CELF4: variants seen among roughly 807,000 people sequenced by gnomAD.
CELF4 encodes CUGBP Elav-like family member 4.
In CELF4, 18 loss-of-function variants were observed where a neutral mutation model predicts 59.9. The ratio of observed to expected loss-of-function variants is 0.30; its 90% CI spans 0.21 to 0.45. CELF4 has a LOEUF of 0.45. Ranked by LOEUF, CELF4 falls within the 20% of genes least tolerant of loss-of-function variation. The pLI is 1.00. For synonymous variants in CELF4, 261 were observed against 267.1 expected, an observed-to-expected ratio of 0.98 and a Z score of 0.22; for missense variants, 456 against 689.0, an observed-to-expected ratio of 0.66 and a Z score of 3.79.
At chr18:37,431,193 A>G (rs2099652698) in intron 2 of CELF4, among the ~76,000 whole-genome samples, 1 of 152,128 alleles carries the variant, frequency 6.6e-6, no homozygotes, top group South Asian at 2.1e-4. Flanking sequence ...GGCGTACAGT[A>G]GGTGCCTAAT....
At chr18:37,545,766 A>T (rs1240003167) in intron 1 of CELF4, among the ~76,000 whole-genome samples, 1 of 151,928 alleles carries the variant, frequency 6.6e-6, no homozygotes, top group East Asian at 1.9e-4. Flanking sequence ...ACACACACAC[A>T]CACACACACG....
At chr18:37,297,788 TA>T (rs1158329636) in intron 3 of CELF4, among the ~76,000 whole-genome samples, 3 of 152,228 alleles carry the variant, frequency 2.0e-5, no homozygotes, top group African/African-American at 7.2e-5. Context: ...CTTCGTACAT[TA>T]ATCTAGTTGT....
chr18:37,447,582 C>A (rs897685601), intron 2 of CELF4, among the ~76,000 whole-genome samples: 11 of 152,200 alleles, frequency 7.2e-5, no homozygotes, highest in Non-Finnish European at 1.3e-4. Flanking sequence ...CAGGAGCTCC[C>A]CAGGGGCCCT....
At position 37,415,128 on chromosome 18, in the gene CELF4, A is replaced by G. The variant is rs544718184; in HGVS notation, c.369+70397T>C. Reference sequence around the variant, plus strand: ...AATATGTCTGTCAGGCAGGATCAGGAAAGGTTTCATGAAGCAAGTGGTGGC... The same window carrying G: ...AATATGTCTGTCAGGCAGGATCAGGGAAGGTTTCATGAAGCAAGTGGTGGC... On this transcript the variant is annotated intron_variant, in intron 2 of 12. Transcript: ENST00000420428. Among the ~76,000 whole-genome samples, 6 of 152,264 alleles carry G rather than the reference A, an allele frequency of 3.9e-5. No homozygotes were observed. The South Asian group carries it at 1.2e-3, about 32-fold the overall frequency.
intron 1 of CELF4, among the ~76,000 whole-genome samples, chr18:37,491,237 G>C (rs1010404634): frequency 6.7e-6 from 1 of 149,542 alleles, no homozygotes; most frequent in African/African-American, 2.5e-5. Flanking sequence ...CCTCACCCGA[G>C]AGGACGCCGT....
intron 2 of CELF4, among the ~76,000 whole-genome samples, chr18:37,340,036 C>G (rs1318225408): frequency 6.6e-6 from 1 of 152,204 alleles, no homozygotes; most frequent in Admixed American, 6.5e-5. Flanking sequence ...GCCCTTTCCT[C>G]CTTAACAGCC....
intron 2 of CELF4, among the ~76,000 whole-genome samples, chr18:37,414,191 C>CATCTATCT (rs59869024): frequency 0.012 from 1,845 of 148,176 alleles, 25 homozygotes; most frequent in Middle Eastern, 0.021. Context: ...TCCATTCATT[C>CATCTATCT]ATCTATCTAT....
At chr18:37,380,593 T>C (rs1036377692) in intron 2 of CELF4, among the ~76,000 whole-genome samples, 2 of 152,010 alleles carry the variant, frequency 1.3e-5, no homozygotes, top group African/African-American at 2.4e-5. Context: ...TATCCATCCA[T>C]CCATTCATCC....
intron 2 of CELF4, among the ~76,000 whole-genome samples, chr18:37,370,715 C>G (rs1377126447): frequency 1.3e-5 from 2 of 152,170 alleles, no homozygotes; most frequent in Non-Finnish European, 2.9e-5. Flanking sequence ...TTAGGACCAC[C>G]CTGGAGTGAC....
Position 37,503,390 on chromosome 18 carries a change from C to T in CELF4, c.287-17783G>A, listed in dbSNP as rs542569774. On this transcript the variant is annotated intron_variant, in intron 1 of 12. Coordinates refer to ENST00000420428, the MANE Select transcript of CELF4 (RefSeq NM_020180.4). ...GACTCCTGGCCCGTGGCTGGCACTC[C>T]AGCCAACAAAGCCCAAGTGGTGCCC... is the stretch of plus-strand genomic sequence containing the variant. Among the ~76,000 whole-genome samples, 8 of 152,346 alleles carry T rather than the reference C, an allele frequency of 5.3e-5. No homozygotes were observed. The South Asian group carries it at 1.7e-3, about 32-fold the overall frequency.
rs1210477656 is a variant in CELF4 at position 37,429,035 on chromosome 18, G to A, written c.369+56490C>T. Reference sequence around the variant, plus strand: ...CCTGAGCAATTGCATCGTAGAGGAGGCATGGATGCCCCTTGTCTCTGCTGC... The same window carrying A: ...CCTGAGCAATTGCATCGTAGAGGAGACATGGATGCCCCTTGTCTCTGCTGC... On this transcript the variant is annotated intron_variant, in intron 2 of 12. Coordinates refer to ENST00000420428, the MANE Select transcript of CELF4 (RefSeq NM_020180.4). Among the ~76,000 whole-genome samples, 6 of 152,276 alleles carry A rather than the reference G, an allele frequency of 3.9e-5. No individual in the cohort carries two copies. In the East Asian group the frequency reaches 9.6e-4, roughly 24 times the overall value.
In CELF4 at chr18:37,565,778, C is replaced by A. The variant is rs1288000401; in HGVS notation, c.-137G>T. ...CCTCGGTTTCTCTACACCTCGCTCTCCGCTCGCTCTCTGCTCTCTCTCTTT... is the reference window on the plus strand; with the variant it reads ...CCTCGGTTTCTCTACACCTCGCTCTACGCTCGCTCTCTGCTCTCTCTCTTT... On this transcript the variant is annotated 5_prime_UTR_variant, in exon 1 of 13. Coordinates refer to ENST00000420428, the MANE Select transcript of CELF4 (RefSeq NM_020180.4). The A allele has an allele frequency of 3.4e-6, 2 of 594,796 alleles. No homozygotes were observed. The highest frequency in any genetic ancestry group is 5.5e-6 in the Non-Finnish European group (2 of 366,278). The allele number at this position is 594,796 out of a possible 1,614,324, so 36.8% of individuals were successfully genotyped here.
At chr18:37,362,753 C>A (rs894676334) in intron 2 of CELF4, among the ~76,000 whole-genome samples, 1 of 152,166 alleles carries the variant, frequency 6.6e-6, no homozygotes, top group Non-Finnish European at 1.5e-5. Flanking sequence ...CCTCTCTTGC[C>A]AGTCACCTGC....
chr18:37,263,716 C>T (rs1474455275), intron 10 of CELF4, among the ~76,000 whole-genome samples: 2 of 152,008 alleles, frequency 1.3e-5, no homozygotes, highest in South Asian at 2.1e-4. Context: ...GCTGTCCTGC[C>T]CTGTTCACAC....
intron 3 of CELF4, among the ~76,000 whole-genome samples, chr18:37,320,468 T>C (rs1250582362): frequency 2.0e-5 from 3 of 151,718 alleles, no homozygotes; most frequent in African/African-American, 7.3e-5. Flanking sequence ...GTCTCTCCCA[T>C]AGTGGGAGGA....
intron 2 of CELF4, among the ~76,000 whole-genome samples, chr18:37,461,463 A>C (rs570266214): frequency 5.3e-5 from 8 of 152,324 alleles, no homozygotes; most frequent in Admixed American, 5.2e-4. Flanking sequence ...AGATCTTGTG[A>C]GAACTCATTC....
In CELF4 at chr18:37,254,462, C is replaced by A. The variant is rs1042891779; in HGVS notation, c.1334-524G>T. 1.3e-5 allele frequency among the ~76,000 whole-genome samples: 2 copies of A among 151,970 alleles called. No homozygotes were observed. Among genetic ancestry groups the A allele is most frequent in the East Asian group, 3.9e-4 (2 of 5,132 alleles). ...TCTCCACCGCCGGCCCGGCCGCCCC[C>A]CTCGCCACCGCAGGTGCCCGGCTGT... On this transcript the variant is annotated intron_variant, in intron 11 of 12. Coordinates refer to ENST00000420428, the MANE Select transcript of CELF4 (RefSeq NM_020180.4). This position sits in a 1 kb window ranked among gnomAD's most constrained non-coding sequence, Gnocchi z 5.1.
intron 10 of CELF4, among the ~76,000 whole-genome samples, chr18:37,260,170 A>G (rs776260253): frequency 1.3e-5 from 2 of 152,238 alleles, no homozygotes; most frequent in Non-Finnish European, 2.9e-5. Flanking sequence ...GAGCCAGGAC[A>G]TGAGCCTAGC....
chr18:37,327,577 C>G (rs2097363902), intron 2 of CELF4, among the ~76,000 whole-genome samples: 1 of 152,192 alleles, frequency 6.6e-6, no homozygotes, highest in African/African-American at 2.4e-5. Context: ...TAAGGGTTGG[C>G]CTGGAGGTTT....
Sources: allele counts gnomAD v4.1 joint callset (sites outside exome capture counted in the v4.1 genomes callset), GRCh38; gene constraint gnomAD v4.1.1; non-coding constraint Gnocchi (gnomAD v3.1); transcripts MANE v1.5; gene names NCBI Gene and HGNC (gene_info 2026-07-23, HGNC 2026-07-21).